Variants in SHISA9 observed in about 807,000 individuals in gnomAD.
The protein encoded by SHISA9 is protein shisa-9.
In SHISA9, 13 loss-of-function variants were observed where a neutral mutation model predicts 38.0. The ratio of observed to expected loss-of-function variants is 0.34; its 90% CI spans 0.22 to 0.54. The LOEUF (loss-of-function observed/expected upper bound fraction) is 0.54, where lower values mean the gene tolerates loss of function less well. Ranked by LOEUF, SHISA9 falls within the 20% of genes least tolerant of loss-of-function variation. The pLI is 0.91. For synonymous variants in SHISA9, 275 were observed against 242.0 expected, an observed-to-expected ratio of 1.14 and a Z score of -1.27; for missense variants, 538 against 575.8, an observed-to-expected ratio of 0.93 and a Z score of 0.67.
chr16:13,332,708 TAAA>T, the SHISA9 span: 1 of 151,488 alleles, frequency 6.6e-6, no homozygotes, highest in Non-Finnish European at 1.5e-5. Flanking sequence ...AACTGGGGAA[TAAA>T]AAAAAATTCA....
At chr16:13,476,118 A>C in the SHISA9 span, among the ~76,000 whole-genome samples, 1 of 152,238 alleles carries the variant, frequency 6.6e-6, no homozygotes, top group Middle Eastern at 3.4e-3. Flanking sequence ...CTCCCAGTAA[A>C]CATAGAAATT....
chr16:13,553,867 G>T, the SHISA9 span, among the ~76,000 whole-genome samples: 1 of 152,038 alleles, frequency 6.6e-6, no homozygotes, highest in African/African-American at 2.4e-5. Flanking sequence ...CTTCCAACTG[G>T]GGAGGCCCAG....
intron 2 of SHISA9, among the ~76,000 whole-genome samples, chr16:12,979,113 C>A (rs1335805468): frequency 6.6e-6 from 1 of 152,198 alleles, no homozygotes; most frequent in African/African-American, 2.4e-5. Flanking sequence ...TCAGACACCA[C>A]CCTCTCCTTG....
the SHISA9 span, among the ~76,000 whole-genome samples, chr16:13,491,515 A>G: frequency 6.6e-6 from 1 of 151,732 alleles, no homozygotes; most frequent in Non-Finnish European, 1.5e-5. Flanking sequence ...TTGAGACTGA[A>G]TCTCACTCTG....
At chr16:13,386,586 G>A in the SHISA9 span, among the ~76,000 whole-genome samples, 124,542 of 152,180 alleles carry the variant, frequency 0.82, 51,090 homozygotes, top group East Asian at 0.96. Flanking sequence ...TGTCTGGCAC[G>A]TACTAAATTC....
At chr16:13,431,815 C>T in the SHISA9 span, among the ~76,000 whole-genome samples, 1 of 152,170 alleles carries the variant, frequency 6.6e-6, no homozygotes, top group African/African-American at 2.4e-5. Flanking sequence ...AATCCCAGAA[C>T]TTTGGGAGGC....
chr16:13,157,180 C>T (rs2050554873), intron 2 of SHISA9, among the ~76,000 whole-genome samples: 1 of 152,192 alleles, frequency 6.6e-6, no homozygotes, highest in Non-Finnish European at 1.5e-5. Context: ...ATCCATCCAT[C>T]CATCCCACTA....
chr16:13,383,494 C>T, the SHISA9 span, among the ~76,000 whole-genome samples: 3 of 152,166 alleles, frequency 2.0e-5, no homozygotes, highest in South Asian at 2.1e-4. Flanking sequence ...TGCTTATATG[C>T]GTGCATAGGT....
chr16:13,193,701 T>C (rs1162199350), intron 2 of SHISA9, among the ~76,000 whole-genome samples: 1 of 152,178 alleles, frequency 6.6e-6, no homozygotes, highest in Non-Finnish European at 1.5e-5. Context: ...GATAACCATC[T>C]GCTTAGGAGA....
intron 2 of SHISA9, among the ~76,000 whole-genome samples, chr16:13,189,767 G>T (rs898735973): frequency 6.6e-6 from 1 of 152,178 alleles, no homozygotes; most frequent in African/African-American, 2.4e-5. Context: ...ATGGTTAATT[G>T]TTACATGACA....
At chr16:13,359,789 C>T in the SHISA9 span, among the ~76,000 whole-genome samples, 5 of 152,072 alleles carry the variant, frequency 3.3e-5, no homozygotes, top group Admixed American at 2.6e-4. Flanking sequence ...TCACTGTGCA[C>T]GGGTTACCAA....
At chr16:13,478,464 G>A in the SHISA9 span, among the ~76,000 whole-genome samples, 9 of 152,056 alleles carry the variant, frequency 5.9e-5, no homozygotes, top group Admixed American at 5.2e-4. Context: ...TATAAGTCTG[G>A]ACTCCTCTGG....
chr16:13,084,838 A>C (rs994136895), intron 2 of SHISA9, among the ~76,000 whole-genome samples: 4 of 152,140 alleles, frequency 2.6e-5, no homozygotes, highest in Non-Finnish European at 5.9e-5. Flanking sequence ...GGGTTGAGGG[A>C]GGGGCTGGAA....
At chr16:13,412,693 C>G in the SHISA9 span, among the ~76,000 whole-genome samples, 1 of 151,586 alleles carries the variant, frequency 6.6e-6, no homozygotes, top group Non-Finnish European at 1.5e-5. Flanking sequence ...CCCATCTCTA[C>G]TATAATACAA....
chr16:13,441,186 G>A, the SHISA9 span, among the ~76,000 whole-genome samples: 1 of 152,220 alleles, frequency 6.6e-6, no homozygotes, highest in Non-Finnish European at 1.5e-5. Context: ...TGTTGGGAAA[G>A]AGGAAGCTGA....
chr16:12,988,451 C>T (rs2072341755), intron 2 of SHISA9, among the ~76,000 whole-genome samples: 1 of 152,162 alleles, frequency 6.6e-6, no homozygotes, highest in Admixed American at 6.5e-5. Flanking sequence ...GGGTCTCTCC[C>T]CAGAGAAAAT....
chr16:13,144,144 G>A (rs1362824103), intron 2 of SHISA9, among the ~76,000 whole-genome samples: 2 of 151,190 alleles, frequency 1.3e-5, no homozygotes, highest in Non-Finnish European at 2.9e-5. Context: ...TTTTGCAGTT[G>A]GAGGGGCTAG....
At chr16:13,109,396 C>T (rs572858559) in intron 2 of SHISA9, among the ~76,000 whole-genome samples, 12 of 152,266 alleles carry the variant, frequency 7.9e-5, no homozygotes, top group African/African-American at 2.9e-4. Flanking sequence ...TCTCCTTACT[C>T]ACCACCTGCT....
At chr16:12,949,297 C>G (rs139674588) in intron 2 of SHISA9, among the ~76,000 whole-genome samples, 5 of 152,330 alleles carry the variant, frequency 3.3e-5, no homozygotes, top group African/African-American at 1.2e-4. Context: ...CAGCCTGATT[C>G]CACGGGCAGC....
Sources: allele counts gnomAD v4.1 joint callset (sites outside exome capture counted in the v4.1 genomes callset), GRCh38; gene constraint gnomAD v4.1.1; transcripts MANE v1.5; gene names NCBI Gene and HGNC (gene_info 2026-07-23, HGNC 2026-07-21).